The following PRKCB variants were observed in gnomAD, a reference collection of about 807,000 sequenced individuals.
PRKCB encodes protein kinase C beta type.
PRKCB carries 13 observed loss-of-function variants against 81.5 expected under a neutral mutation model. That is an observed-to-expected ratio of 0.16 (90% CI 0.10 to 0.25). The LOEUF (loss-of-function observed/expected upper bound fraction) is 0.25. Ranked by LOEUF, PRKCB falls within the 10% of genes least tolerant of loss-of-function variation. The pLI is 1.00. For missense variants in PRKCB, 509 were observed against 875.7 expected (o/e 0.58, Z 5.29); for synonymous variants, 335 against 321.4 (o/e 1.04, Z -0.45).
rs1417857946 is a variant in PRKCB, at chr16:24,216,946, A to G, written c.*2130A>G. ...AGACATCTCTGAGCCAGGCCCACCA[A>G]CAGGCCCTTATCTGGTGGTTGGATC... is the stretch of plus-strand genomic sequence containing the variant. On this transcript the variant is annotated 3_prime_UTR_variant, in exon 17 of 17. Coordinates refer to ENST00000643927, the MANE Select transcript of PRKCB (RefSeq NM_002738.7). 1 of 985,332 alleles carries G rather than the reference A, an allele frequency of 1.0e-6. No homozygotes were observed. The highest frequency in any genetic ancestry group is 1.7e-5 in the African/African-American group (1 of 57,240). 61.0% of individuals were successfully genotyped at this position (985,332 alleles called of 1,614,324 possible). A position where few individuals can be genotyped will look rare whatever the true frequency, so the allele number is the denominator to read the frequency against.
At chr16:23,950,137 T>G (rs1159579013) in intron 2 of PRKCB, among the ~76,000 whole-genome samples, 1,600 of 138,074 alleles carry the variant, frequency 0.012, 126 homozygotes, top group African/African-American at 0.04. Flanking sequence ...TTTGAATTTT[T>G]TTTTTTTTTT....
In PRKCB at chr16:24,191,071, G is replaced by A; in HGVS notation, c.1723-19G>A. Reference sequence around the variant, plus strand: ...TCTTCTGAAACTCAGCAAATTCAATGTTTTTCTTTCTCTCGAAGCTGATGA... The same window carrying A: ...TCTTCTGAAACTCAGCAAATTCAATATTTTTCTTTCTCTCGAAGCTGATGA... On this transcript the variant is annotated intron_variant, in intron 15 of 16. Coordinates refer to ENST00000643927, the MANE Select transcript of PRKCB (RefSeq NM_002738.7). The A allele has an allele frequency of 1.2e-6, 2 of 1,610,148 alleles. No individual in the cohort carries two copies. Among genetic ancestry groups the A allele is most frequent in the Non-Finnish European group, 1.7e-6 (2 of 1,177,606 alleles).
intron 5 of PRKCB, among the ~76,000 whole-genome samples, chr16:24,078,671 C>T (rs1323193648): frequency 6.6e-6 from 1 of 152,154 alleles, no homozygotes; most frequent in African/African-American, 2.4e-5. Flanking sequence ...ATTGTCCACA[C>T]CACTGGGGAA....
At chr16:23,898,651 A>T (rs1168231816) in intron 2 of PRKCB, among the ~76,000 whole-genome samples, 1 of 152,166 alleles carries the variant, frequency 6.6e-6, no homozygotes, top group African/African-American at 2.4e-5. Flanking sequence ...CTAGGTGAAG[A>T]TTGGCAGAAA....
chr16:24,178,073 A>G (rs963447475), intron 12 of PRKCB, among the ~76,000 whole-genome samples: 1 of 152,234 alleles, frequency 6.6e-6, no homozygotes, highest in Non-Finnish European at 1.5e-5. Context: ...GTTACAAATC[A>G]CTACCTCCTT....
intron 5 of PRKCB, among the ~76,000 whole-genome samples, chr16:24,058,589 G>A (rs899437336): frequency 2.0e-5 from 3 of 152,026 alleles, no homozygotes; most frequent in Non-Finnish European, 2.9e-5. Flanking sequence ...GCCTGAATCA[G>A]ACATTGAATG....
intron 3 of PRKCB, among the ~76,000 whole-genome samples, chr16:23,991,116 T>C (rs1964881662): frequency 6.6e-6 from 1 of 152,178 alleles, no homozygotes; most frequent in Non-Finnish European, 1.5e-5. Context: ...TGTCATTGGA[T>C]TTCTTTAGCT....
rs186019512 is a variant in PRKCB at position 23,883,054 on chromosome 16, C to T, written c.205+45648C>T. 4.6e-5 allele frequency among the ~76,000 whole-genome samples: 7 copies of T among 152,240 alleles called. No homozygotes were observed. The East Asian group carries it at 1.4e-3, about 29-fold the overall frequency. Reference sequence around the variant, plus strand: ...CATTTATTGAGGACCAGCTTTGTTCCAGTCACTGAACAAGGCTGGGGGCAT... The same window carrying T: ...CATTTATTGAGGACCAGCTTTGTTCTAGTCACTGAACAAGGCTGGGGGCAT... On this transcript the variant is annotated intron_variant, in intron 2 of 16. Transcript: ENST00000643927.
chr16:23,927,677 A>C (rs145405463), intron 2 of PRKCB, among the ~76,000 whole-genome samples: 1 of 152,038 alleles, frequency 6.6e-6, no homozygotes, highest in African/African-American at 2.4e-5. Flanking sequence ...TTCAAGAGAT[A>C]TTTAGGGGGT....
chr16:23,870,599 A>C (rs1364593635), intron 2 of PRKCB, among the ~76,000 whole-genome samples: 2 of 152,214 alleles, frequency 1.3e-5, no homozygotes, highest in African/African-American at 4.8e-5. Context: ...TAGGTGCTTC[A>C]CTTTCTTGTG....
At chr16:24,138,324 A>G (rs1220445064) in intron 9 of PRKCB, among the ~76,000 whole-genome samples, 3 of 152,228 alleles carry the variant, frequency 2.0e-5, no homozygotes, top group Non-Finnish European at 4.4e-5. Context: ...ATTATAAACA[A>G]GCTTTCTTCC....
At chr16:23,863,503 C>T (rs1273035747) in intron 2 of PRKCB, among the ~76,000 whole-genome samples, 1 of 152,124 alleles carries the variant, frequency 6.6e-6, no homozygotes, top group Non-Finnish European at 1.5e-5. Context: ...TGTCACAGAG[C>T]TCTTAAGTGG....
intron 2 of PRKCB, among the ~76,000 whole-genome samples, chr16:23,951,837 T>C (rs1264573701): frequency 1.3e-5 from 2 of 152,168 alleles, no homozygotes; most frequent in East Asian, 3.8e-4. Flanking sequence ...TTTTGGTTTA[T>C]GAAATCTTTT....
chr16:24,065,449 G>A (rs1028599874), intron 5 of PRKCB, among the ~76,000 whole-genome samples: 13 of 151,844 alleles, frequency 8.6e-5, no homozygotes, highest in East Asian at 3.9e-4. Flanking sequence ...CTTTTATTAC[G>A]TTCCAAATGA....
intron 2 of PRKCB, among the ~76,000 whole-genome samples, chr16:23,879,946 T>C (rs1026459288): frequency 4.6e-5 from 7 of 152,234 alleles, no homozygotes; most frequent in Admixed American, 3.9e-4. Context: ...AGTTTTCTTG[T>C]CTGCAAAATG....
At chr16:24,049,860 C>G (rs1011346400) in intron 5 of PRKCB, among the ~76,000 whole-genome samples, 1 of 152,146 alleles carries the variant, frequency 6.6e-6, no homozygotes, top group Non-Finnish European at 1.5e-5. Flanking sequence ...GTGTATCGCT[C>G]AGGGAATCAG....
chr16:24,076,247 C>T (rs1001428365), intron 5 of PRKCB, among the ~76,000 whole-genome samples: 18 of 152,134 alleles, frequency 1.2e-4, no homozygotes, highest in African/African-American at 3.4e-4. Context: ...CCAGTTAAGC[C>T]CAATTGGGAT....
intron 16 of PRKCB, among the ~76,000 whole-genome samples, chr16:24,203,956 T>C (rs1968004044): frequency 6.6e-6 from 1 of 152,048 alleles, no homozygotes. Flanking sequence ...GTGGGAAGGT[T>C]TCTGTTCTAT....
At chr16:23,996,820 G>A (rs1964963203) in intron 3 of PRKCB, among the ~76,000 whole-genome samples, 1 of 152,172 alleles carries the variant, frequency 6.6e-6, no homozygotes, top group Non-Finnish European at 1.5e-5. Context: ...CTTTTGAAGA[G>A]TCAGTTATGT....
Sources: allele counts gnomAD v4.1 joint callset (sites outside exome capture counted in the v4.1 genomes callset), GRCh38; gene constraint gnomAD v4.1.1; transcripts MANE v1.5; gene names NCBI Gene and HGNC (gene_info 2026-07-23, HGNC 2026-07-21).